Variants in CCNT2 observed in about 807,000 individuals in gnomAD.
The protein encoded by CCNT2 is cyclin T2.
CCNT2 carries 18 observed loss-of-function variants against 70.0 expected under a neutral mutation model. The observed-to-expected ratio is 0.26, with a 90% confidence interval of 0.18 to 0.38. CCNT2 has a LOEUF of 0.38. CCNT2 is among the 10% of genes least tolerant of loss of function. The pLI is 1.00. For synonymous variants in CCNT2, 334 were observed against 313.3 expected, an observed-to-expected ratio of 1.07 and a Z score of -0.70; for missense variants, 734 against 890.2, an observed-to-expected ratio of 0.82 and a Z score of 2.23.
In CCNT2 at chr2:134,936,946, C is replaced by T; in HGVS notation, c.346C>T (p.Pro116Ser). 6.2e-7 allele frequency: 1 copy of T among 1,609,156 alleles called. No individual in the cohort carries two copies. The change falls in exon 3 of 9, where the codon CCA becomes TCA. Residue 116 changes from proline (P) to serine (S), a missense_variant. Around this residue, in one of 3 missense-constraint regions of CCNT2, gnomAD observed 161 missense variants for 303.8 expected, o/e 0.53. Coordinates refer to ENST00000264157, the MANE Select transcript of CCNT2 (RefSeq NM_058241.3). ...VAHACLHPLE[P>S]LLDTKCDAYL... is the part of the protein sequence containing the mutation. The stretch of plus-strand genomic sequence containing the variant: ...ACATGCTTGTCTTCATCCTCTAGAG[C>T]CACTGCTGGATACTAAATGTGATGT...
intron 1 of CCNT2, 148 bp from the exon 2 acceptor site, chr2:134,919,662 C>G: frequency 1.7e-6 from 1 of 591,924 alleles, no homozygotes; most frequent in African/African-American, 1.9e-5. Context: ...GCCGCCCCAC[C>G]CCCCGCGGGC....
chr2:134,934,433 C>G (rs1681004198), intron 2 of CCNT2, among the ~76,000 whole-genome samples: 1 of 152,186 alleles, frequency 6.6e-6, no homozygotes, highest in Admixed American at 6.5e-5. Context: ...CCTTTAAAAG[C>G]TTTGGACCAA....
At chr2:134,931,002 C>T (rs1044311082) in intron 2 of CCNT2, among the ~76,000 whole-genome samples, 1 of 151,082 alleles carries the variant, frequency 6.6e-6, no homozygotes, top group East Asian at 1.9e-4. Context: ...TCACTCTGTC[C>T]CTCAGGCTGG....
intron 5 of CCNT2, chr2:134,943,700 G>T (rs1681738006): frequency 1.0e-6 from 1 of 985,102 alleles, no homozygotes; most frequent in Non-Finnish European, 1.2e-6. Flanking sequence ...TGTATCCCTA[G>T]AAATATTTTT....
chr2:134,935,807 T>G (rs1050774856), intron 2 of CCNT2, among the ~76,000 whole-genome samples: 1 of 146,450 alleles, frequency 6.8e-6, no homozygotes, highest in South Asian at 2.2e-4. Context: ...TTTACTAAGC[T>G]AAAAAAAAAA....
intron 7 of CCNT2, among the ~76,000 whole-genome samples, chr2:134,949,661 G>A (rs1682288560): frequency 1.3e-5 from 2 of 152,150 alleles, no homozygotes; most frequent in Admixed American, 6.5e-5. Context: ...CCAGAGGAAA[G>A]GAAGTCTTCA....
intron 5 of CCNT2, chr2:134,943,776 A>G: frequency 1.0e-6 from 1 of 985,232 alleles, no homozygotes; most frequent in Non-Finnish European, 1.2e-6. Context: ...GTGTTAATGT[A>G]TTCATAGCAA....
intron 4 of CCNT2, among the ~76,000 whole-genome samples, chr2:134,942,233 C>T (rs576162673): frequency 6.6e-6 from 1 of 151,528 alleles, no homozygotes; most frequent in African/African-American, 2.4e-5. Flanking sequence ...GAAAACTGCA[C>T]TTTTCATGTC....
intron 2 of CCNT2, among the ~76,000 whole-genome samples, chr2:134,934,788 C>T (rs1005250765): frequency 1.2e-4 from 18 of 152,186 alleles, no homozygotes; most frequent in African/African-American, 4.3e-4. Flanking sequence ...TCTGGATCAT[C>T]TGACAGGAAG....
At chr2:134,931,041 C>T (rs972272743) in intron 2 of CCNT2, among the ~76,000 whole-genome samples, 3 of 151,406 alleles carry the variant, frequency 2.0e-5, no homozygotes, top group Non-Finnish European at 2.9e-5. Context: ...GGGCTCACTG[C>T]GTGCTCCACC....
intron 1 of CCNT2, among the ~76,000 whole-genome samples, chr2:134,919,393 CTAAG>C (rs962757940): frequency 4.6e-5 from 7 of 152,164 alleles, no homozygotes; most frequent in African/African-American, 1.7e-4. Flanking sequence ...GCTGAAAGGC[CTAAG>C]TGTTTGCCGC....
chr2:134,951,705 A>C (rs1382370202), intron 7 of CCNT2, among the ~76,000 whole-genome samples: 2 of 152,184 alleles, frequency 1.3e-5, no homozygotes, highest in African/African-American at 4.8e-5. Context: ...AAAGAAAGAA[A>C]TGCAAAATAT....
Position 134,931,262 on chromosome 2 carries a change from C to CTTTTTTTTTTTTTTTTTTTTTTTTTTTT in CCNT2, c.241-5554_241-5553insTTTTTTTTTTTTTTTTTTTTTTTTTTTT, listed in dbSNP as rs112471982. Among the ~76,000 whole-genome samples the CTTTTTTTTTTTTTTTTTTTTTTTTTTTT allele has an allele frequency of 6.6e-4, 28 of 42,428 alleles. 4 individuals are homozygous for CTTTTTTTTTTTTTTTTTTTTTTTTTTTT. The highest frequency in any genetic ancestry group is 8.7e-4 in the Admixed American group (2 of 2,308). The allele number at this position is 42,428 out of a possible 152,430, so 27.8% of individuals were successfully genotyped here. A position where few individuals can be genotyped will look rare whatever the true frequency, so the allele number is the denominator to read the frequency against. On this transcript the variant is annotated intron_variant, in intron 2 of 8. Coordinates refer to ENST00000264157, the MANE Select transcript of CCNT2 (RefSeq NM_058241.3). ...CAGGCATAAGCCACCATGCCCGGAT[C>CTTTTTTTTTTTTTTTTTTTTTTTTTTTT]TTTTTTTTTTTTTTTTTTTTTTTTT...
intron 2 of CCNT2, among the ~76,000 whole-genome samples, chr2:134,923,107 C>G (rs560694596): frequency 6.6e-6 from 1 of 152,046 alleles, no homozygotes; most frequent in Non-Finnish European, 1.5e-5. Context: ...ATGATGAAAC[C>G]CCATCTCTAC....
intron 2 of CCNT2, among the ~76,000 whole-genome samples, chr2:134,930,499 C>G (rs1680665109): frequency 6.6e-6 from 1 of 152,130 alleles, no homozygotes; most frequent in South Asian, 2.1e-4. Context: ...GTTTTCATTT[C>G]TTACGGGTGA....
chr2:134,923,837 T>A (rs1680090130), intron 2 of CCNT2, among the ~76,000 whole-genome samples: 1 of 152,212 alleles, frequency 6.6e-6, no homozygotes, highest in African/African-American at 2.4e-5. Context: ...TAGTTCTCAC[T>A]TTTTCCTGTT....
Position 134,953,822 on chromosome 2 carries a change from A to G in CCNT2, c.1367A>G (p.Tyr456Cys). ...CTTGATCTCGATGTAAGGGATCATT[A>G]TATAGCTGCCCAGGTAGAACAGCAG... ...ETLDLDVRDH[Y>C]IAAQVEQQHK... The change falls in exon 9 of 9, where the codon TAT becomes TGT. Residue 456 changes from tyrosine to cysteine, a missense_variant. Tyr to Cys is a radical substitution (Grantham distance 194). Coordinates refer to ENST00000264157, the MANE Select transcript of CCNT2 (RefSeq NM_058241.3). 1.2e-6 allele frequency: 2 copies of G among 1,614,124 alleles called. No homozygotes were observed. The highest frequency in any genetic ancestry group is 1.7e-6 in the Non-Finnish European group (2 of 1,179,972).
At chr2:134,947,994 C>A in intron 7 of CCNT2, 95 bp downstream of exon 7, 1 of 623,226 alleles carries the variant, frequency 1.6e-6, no homozygotes, top group South Asian at 4.3e-5. Flanking sequence ...ATCAGATGAA[C>A]AGAATGAAAA....
chr2:134,922,456 T>C (rs1024342092), intron 2 of CCNT2, among the ~76,000 whole-genome samples: 2 of 152,240 alleles, frequency 1.3e-5, no homozygotes, highest in Admixed American at 6.5e-5. Flanking sequence ...CAGCATGTTT[T>C]GGTGACCCAG....
Sources: allele counts gnomAD v4.1 joint callset (sites outside exome capture counted in the v4.1 genomes callset), GRCh38; gene constraint gnomAD v4.1.1; regional missense constraint gnomAD v4.1.1; transcripts MANE v1.5; gene names NCBI Gene and HGNC (gene_info 2026-07-23, HGNC 2026-07-21).